The following MCM9 variants were observed in gnomAD, a reference collection of about 807,000 sequenced individuals.
MCM9 encodes the protein DNA helicase MCM9.
MCM9 carries 55 observed loss-of-function variants against 72.8 expected under a neutral mutation model. The observed-to-expected ratio is 0.76, with a 90% CI of 0.61 to 0.95. MCM9 has a LOEUF of 0.95. Among genes scored for constraint, MCM9 ranks in the 40% least tolerant of loss-of-function variants. The pLI, the probability that MCM9 is intolerant of heterozygous loss-of-function variation, is 0.00. For synonymous variants in MCM9, 480 were observed against 503.4 expected (o/e 0.95, Z 0.62); for missense variants, 1,279 against 1,377.0 (o/e 0.93, Z 1.13).
intron 9 of MCM9, among the ~76,000 whole-genome samples, chr6:118,836,122 T>C (rs573846645): frequency 5.3e-5 from 8 of 152,350 alleles, no homozygotes; most frequent in African/African-American, 1.7e-4. Context: ...GTTTTTGTCA[T>C]TGGTTCTGTT....
intron 8 of MCM9, among the ~76,000 whole-genome samples, chr6:118,867,444 T>G (rs568371333): frequency 1.6e-4 from 24 of 152,338 alleles, no homozygotes; most frequent in Non-Finnish European, 2.9e-4. Flanking sequence ...AGCCCTTATA[T>G]TCACTCACTA....
chr6:118,872,153 T>C (rs556413213), intron 8 of MCM9, among the ~76,000 whole-genome samples: 7 of 151,174 alleles, frequency 4.6e-5, no homozygotes, highest in African/African-American at 1.5e-4. Context: ...CTGTATCTAC[T>C]AAAAGTACAA....
chr6:118,902,343 T>TA (rs1223642666), intron 8 of MCM9, among the ~76,000 whole-genome samples: 1 of 152,180 alleles, frequency 6.6e-6, no homozygotes, highest in Non-Finnish European at 1.5e-5. Context: ...TAAAACAGTA[T>TA]AATCAGTCAC....
At position 118,923,819 on chromosome 6, in the gene MCM9, G is replaced by A; in HGVS notation, c.613C>T (p.Gln205Ter). ...TTTATGTGATTATTTACCTGTTCCT[G>A]AATTTTGATTTCCTGGTAATCTCTA... ...RCRDYQEIKI[Q>*]EQVQRLSVGS... The change falls in exon 4 of 14, where the codon CAG (glutamine) becomes TAG (stop). Residue 205 changes from glutamine (Q) to a stop codon, truncating the protein, a stop_gained. Coordinates refer to ENST00000619706, the MANE Select transcript of MCM9 (RefSeq NM_017696.3). LOFTEE classifies it high-confidence loss of function. 2 of 1,612,170 alleles carry A rather than the reference G, an allele frequency of 1.2e-6. No homozygotes were observed. The highest frequency in any genetic ancestry group is 1.7e-6 in the Non-Finnish European group (2 of 1,178,478).
At chr6:118,821,165 C>T (rs545345388) in intron 13 of MCM9, among the ~76,000 whole-genome samples, 11 of 152,216 alleles carry the variant, frequency 7.2e-5, no homozygotes, top group Non-Finnish European at 1.6e-4. Flanking sequence ...ATCCTGTTAT[C>T]ATGATGCTAT....
intron 9 of MCM9, among the ~76,000 whole-genome samples, chr6:118,847,123 A>C (rs1258593790): frequency 6.6e-6 from 1 of 151,906 alleles, no homozygotes; most frequent in African/African-American, 2.4e-5. Flanking sequence ...AAACTGAAGA[A>C]AGAAATGGAT....
chr6:118,873,994 C>T (rs140370340), intron 8 of MCM9, among the ~76,000 whole-genome samples: 80 of 152,276 alleles, frequency 5.3e-4, no homozygotes, highest in African/African-American at 1.9e-3. Flanking sequence ...GTGGCTCATG[C>T]CTATAATCCC....
chr6:118,843,708 G>GTGTA lies in MCM9; in HGVS notation c.1325+12662_1325+12663insTACA, dbSNP rs1562407292. 2.7e-3 allele frequency among the ~76,000 whole-genome samples: 162 copies of GTGTA among 59,118 alleles called. 1 individual carries two copies. The highest frequency in any genetic ancestry group is 3.4e-3 in the Non-Finnish European group (112 of 33,246). 38.8% of individuals were successfully genotyped at this position (59,118 alleles called of 152,430 possible). A position where few individuals can be genotyped will look rare whatever the true frequency, so the allele number is the denominator to read the frequency against. ...TATGTGTATATATATATATATGTAT[G>GTGTA]TATATATATATGTATATATATATAT... On this transcript the variant is annotated intron_variant, in intron 9 of 13. Coordinates refer to ENST00000619706, the MANE Select transcript of MCM9 (RefSeq NM_017696.3).
intron 8 of MCM9, among the ~76,000 whole-genome samples, chr6:118,867,093 T>C (rs1251137575): frequency 6.6e-6 from 1 of 151,962 alleles, no homozygotes; most frequent in African/African-American, 2.4e-5. Context: ...ATTCAGTCTT[T>C]TAAAAAAAGG....
At chr6:118,883,793 G>C (rs944469984) in intron 8 of MCM9, among the ~76,000 whole-genome samples, 2 of 152,094 alleles carry the variant, frequency 1.3e-5, no homozygotes, top group African/African-American at 4.8e-5. Context: ...CAAAAACTGG[G>C]AGCATCAGTA....
chr6:118,915,906 A>T (rs899428981), intron 6 of MCM9, among the ~76,000 whole-genome samples: 2 of 152,242 alleles, frequency 1.3e-5, no homozygotes, highest in African/African-American at 4.8e-5. Flanking sequence ...TTTAATTGCC[A>T]GCACAAAGCA....
intron 8 of MCM9, among the ~76,000 whole-genome samples, chr6:118,900,277 G>A (rs1779717706): frequency 6.6e-6 from 1 of 152,104 alleles, no homozygotes. Flanking sequence ...TTCTACTTTG[G>A]AGCTCTGTGA....
rs1782538267 is a variant in MCM9, at chr6:118,932,678, G to A, written c.-87C>T. On this transcript the variant is annotated 5_prime_UTR_variant, in exon 2 of 14. Transcript: ENST00000619706. ...TGTCCTTAGAAATTCATACTTGGAAGTGAATTTGTTTCCTTCTTTCTCTTT... is the reference window on the plus strand; with the variant it reads ...TGTCCTTAGAAATTCATACTTGGAAATGAATTTGTTTCCTTCTTTCTCTTT... 2 of 914,446 alleles carry A rather than the reference G, an allele frequency of 2.2e-6. No individual in the cohort carries two copies. The allele number at this position is 914,446 out of a possible 1,614,324, so 56.6% of individuals were successfully genotyped here.
At chr6:118,906,212 A>G (rs147410398) in intron 8 of MCM9, among the ~76,000 whole-genome samples, 432 of 152,284 alleles carry the variant, frequency 2.8e-3, no homozygotes, top group Non-Finnish European at 3.8e-3. Context: ...AGCTGGGACT[A>G]CAGGTGTATA....
At chr6:118,849,795 T>C (rs1221890915) in intron 9 of MCM9, among the ~76,000 whole-genome samples, 1 of 151,838 alleles carries the variant, frequency 6.6e-6, no homozygotes, top group African/African-American at 2.4e-5. Flanking sequence ...AAGGAGTATA[T>C]GCAGTTTGCT....
rs1007434093 is a variant in MCM9 at position 118,853,793 on chromosome 6, T to C, written c.1325+2578A>G. Reference sequence around the variant, plus strand: ...TAACTTGGGCAACAAAGTGAGACTCTGTCTCAAAAACAAATTTTTTTTTAA... The same window carrying C: ...TAACTTGGGCAACAAAGTGAGACTCCGTCTCAAAAACAAATTTTTTTTTAA... On this transcript the variant is annotated intron_variant, in intron 9 of 13. Transcript: ENST00000619706. Among the ~76,000 whole-genome samples the C allele has an allele frequency of 3.3e-5, 5 of 152,186 alleles. No individual in the cohort carries two copies. The East Asian group carries it at 9.6e-4, about 29-fold the overall frequency.
In MCM9 at chr6:118,911,583, T is replaced by A. The variant is rs780295668; in HGVS notation, c.1150+67A>T. Reference sequence around the variant, plus strand: ...TTATCCTATTATAGGTAGTTTTTCATTAGAAAAAACCATTGTGTTAACTTC... The same window carrying A: ...TTATCCTATTATAGGTAGTTTTTCAATAGAAAAAACCATTGTGTTAACTTC... On this transcript the variant is annotated intron_variant, in intron 8 of 13. Transcript: ENST00000619706. 3 of 1,524,092 alleles carry A rather than the reference T, an allele frequency of 2.0e-6. No individual in the cohort carries two copies. The South Asian group carries it at 3.9e-5, about 20-fold the overall frequency. 94.4% of individuals were successfully genotyped at this position (1,524,092 alleles called of 1,614,324 possible). A position where few individuals can be genotyped will look rare whatever the true frequency, so the allele number is the denominator to read the frequency against.
intron 9 of MCM9, among the ~76,000 whole-genome samples, chr6:118,844,493 T>C (rs1775722973): frequency 2.0e-5 from 3 of 151,888 alleles, no homozygotes; most frequent in African/African-American, 4.9e-5. Flanking sequence ...ACATGTACTA[T>C]TCTTGTACCT....
chr6:118,834,133 G>C (rs1372558738), intron 9 of MCM9, among the ~76,000 whole-genome samples: 1 of 152,032 alleles, frequency 6.6e-6, no homozygotes, highest in East Asian at 1.9e-4. Flanking sequence ...CTGTTCCTGT[G>C]TTAGTTTGCT....
Sources: allele counts gnomAD v4.1 joint callset (sites outside exome capture counted in the v4.1 genomes callset), GRCh38; gene constraint gnomAD v4.1.1; transcripts MANE v1.5; gene names NCBI Gene and HGNC (gene_info 2026-07-23, HGNC 2026-07-21).